Variants in ACCSL observed in about 807,000 individuals in gnomAD.
The protein encoded by ACCSL is probable inactive 1-aminocyclopropane-1-carboxylate synthase-like protein 2.
A neutral mutation model predicts 61.7 loss-of-function variants in ACCSL; 55 were observed. The observed-to-expected ratio is 0.89, with a 90% CI of 0.72 to 1.12. ACCSL has a LOEUF of 1.12. Among genes scored for constraint, ACCSL ranks in the 50% most tolerant of loss-of-function variants. The pLI is 0.00. For missense variants in ACCSL, 632 were observed against 698.0 expected (o/e 0.91, Z 1.07); for synonymous variants, 258 against 264.3 (o/e 0.98, Z 0.23).
chr11:44,056,403 C>G (rs1590432675), intron 11 of ACCSL, 77 bp downstream of exon 11: 1 of 1,505,704 alleles, frequency 6.6e-7, no homozygotes, highest in East Asian at 2.4e-5. Context: ...GCTTGGGCCT[C>G]TGATGTGCCC....
At chr11:43,978,795 T>TG in the ACCSL span, among the ~76,000 whole-genome samples, 1 of 145,678 alleles carries the variant, frequency 6.9e-6, no homozygotes, top group African/African-American at 2.5e-5. Flanking sequence ...TTTTTTTTTT[T>TG]TTTTTTTTTT....
intron 11 of ACCSL, among the ~76,000 whole-genome samples, chr11:44,057,876 G>T (rs747842149): frequency 6.6e-6 from 1 of 152,196 alleles, no homozygotes; most frequent in African/African-American, 2.4e-5. Context: ...ACTAGAGTTA[G>T]TCTTAGAAAT....
Position 44,048,302 on chromosome 11 carries a change from G to T in ACCSL, c.266G>T (p.Gly89Val). The change falls in exon 1 of 14, where the codon GGC (glycine) becomes GTC (valine). Residue 89 changes from glycine (G) to valine (V), a missense_variant. Gly to Val is a moderately radical substitution (Grantham distance 109). Transcript: ENST00000378832. ...INLLQSGAAS[G>V]LELQVPLPSE... ...CTCCTACAGTCTGGGGCCGCGAGTG[G>T]CCTGGAGCTCCAAGTGCCTCTTCCT... 6.2e-7 allele frequency: 1 copy of T among 1,614,092 alleles called. No individual in the cohort carries two copies. The highest frequency in any genetic ancestry group is 8.5e-7 in the Non-Finnish European group (1 of 1,180,004).
the ACCSL span, among the ~76,000 whole-genome samples, chr11:43,927,598 C>A: frequency 1.3e-5 from 2 of 152,206 alleles, no homozygotes; most frequent in African/African-American, 4.8e-5. Context: ...TGTAGCTAAA[C>A]CTTTGAGTAC....
chr11:43,927,599 C>CT, the ACCSL span, among the ~76,000 whole-genome samples: 3 of 152,338 alleles, frequency 2.0e-5, no homozygotes, highest in South Asian at 6.2e-4. Context: ...GTAGCTAAAC[C>CT]TTTGAGTACA....
At chr11:44,025,420 T>C in the ACCSL span, among the ~76,000 whole-genome samples, 1 of 152,152 alleles carries the variant, frequency 6.6e-6, no homozygotes, top group Non-Finnish European at 1.5e-5. Flanking sequence ...ATTTCAATAG[T>C]ATACTATACA....
Position 44,059,899 on chromosome 11 carries a change from G to A in ACCSL, c.1686G>A (p.Leu562=). The part of the protein sequence containing the change: ...EQKEALIVKQ[L]EDAMRE ...AGGAGGCTTTGATAGTGAAGCAGTTGGAGGATGCAATGAGGGAGTAGGCCG... is the reference window on the plus strand; with the variant it reads ...AGGAGGCTTTGATAGTGAAGCAGTTAGAGGATGCAATGAGGGAGTAGGCCG... The change falls in exon 14 of 14, where the codon TTG becomes TTA. Residue 562 remains leucine (L), a synonymous_variant. Transcript: ENST00000378832. 1 of 1,613,900 alleles carries A rather than the reference G, an allele frequency of 6.2e-7. No homozygotes were observed. Among genetic ancestry groups the A allele is most frequent in the Non-Finnish European group, 8.5e-7 (1 of 1,179,824 alleles).
the ACCSL span, among the ~76,000 whole-genome samples, chr11:44,000,327 G>T: frequency 6.6e-6 from 1 of 152,094 alleles, no homozygotes; most frequent in Non-Finnish European, 1.5e-5. Context: ...GTTTCGCCAT[G>T]TTGGCCAGGC....
the ACCSL span, among the ~76,000 whole-genome samples, chr11:43,951,341 AGCCAG>A: frequency 6.6e-6 from 1 of 152,166 alleles, no homozygotes; most frequent in Non-Finnish European, 1.5e-5. Flanking sequence ...CCAGCCCTGG[AGCCAG>A]GCTAGATGAA....
At chr11:43,980,579 A>G in the ACCSL span, among the ~76,000 whole-genome samples, 1 of 152,184 alleles carries the variant, frequency 6.6e-6, no homozygotes, top group Non-Finnish European at 1.5e-5. Context: ...TTACCTATTC[A>G]TGTTCTTTGC....
chr11:43,939,315 A>T, the ACCSL span, among the ~76,000 whole-genome samples: 4 of 152,204 alleles, frequency 2.6e-5, no homozygotes, highest in Non-Finnish European at 2.9e-5. Context: ...TGGCTAAGCC[A>T]ATGCCACATA....
At chr11:43,992,051 TTTC>T in the ACCSL span, among the ~76,000 whole-genome samples, 39 of 101,020 alleles carry the variant, frequency 3.9e-4, no homozygotes, top group Admixed American at 1.8e-3. Flanking sequence ...TCTTTCTTTC[TTTC>T]TTTTTTTTTT....
the ACCSL span, among the ~76,000 whole-genome samples, chr11:44,006,540 C>G: frequency 7.9e-6 from 1 of 127,300 alleles, no homozygotes; most frequent in Non-Finnish European, 1.6e-5. Flanking sequence ...GAGTCTCGCT[C>G]TGTTACCCAG....
At chr11:44,053,615 C>A in intron 8 of ACCSL, 109 bp downstream of exon 8, 1 of 1,015,214 alleles carries the variant, frequency 9.9e-7, no homozygotes, top group Non-Finnish European at 1.5e-6. Context: ...GTAATCCCAG[C>A]ACTTTGGGAG....
At chr11:44,012,700 T>C in the ACCSL span, among the ~76,000 whole-genome samples, 1 of 152,204 alleles carries the variant, frequency 6.6e-6, no homozygotes, top group South Asian at 2.1e-4. Context: ...ATACTTGAAG[T>C]TGTGTGCAGA....
the ACCSL span, among the ~76,000 whole-genome samples, chr11:44,030,317 TA>T: frequency 9.2e-5 from 14 of 151,724 alleles, no homozygotes; most frequent in South Asian, 2.9e-3. Context: ...CACCTTTCCC[TA>T]AAACCCCAGA....
chr11:43,955,627 G>T, the ACCSL span, among the ~76,000 whole-genome samples: 7 of 152,208 alleles, frequency 4.6e-5, no homozygotes, highest in African/African-American at 1.7e-4. Flanking sequence ...GGTTCAGTGG[G>T]TCTGGGTGAA....
At chr11:44,001,813 G>C in the ACCSL span, among the ~76,000 whole-genome samples, 1 of 149,094 alleles carries the variant, frequency 6.7e-6, no homozygotes, top group Non-Finnish European at 1.5e-5. Flanking sequence ...GTGTGTGTGT[G>C]TGTGTGTGTG....
chr11:43,999,319 A>T, the ACCSL span, among the ~76,000 whole-genome samples: 1 of 152,160 alleles, frequency 6.6e-6, no homozygotes, highest in East Asian at 1.9e-4. Context: ...CACACCTCTC[A>T]ACCTCTGGGT....
Sources: gnomAD v4.1 joint callset for allele counts (sites outside exome capture counted in the v4.1 genomes callset) on GRCh38, gnomAD v4.1.1 for gene constraint, MANE v1.5 for transcripts, NCBI Gene and HGNC (gene_info 2026-07-23, HGNC 2026-07-21) for gene names.